Variants in SOX6 observed in about 807,000 individuals in gnomAD.
SOX6 encodes the protein SRY-box transcription factor 6.
In SOX6, 11 loss-of-function variants were observed where a neutral mutation model predicts 97.8. The observed-to-expected ratio is 0.11, with a 90% CI of 0.07 to 0.19. The LOEUF is 0.19. SOX6 is among the 10% of genes least tolerant of loss of function. The pLI, the probability that SOX6 is intolerant of heterozygous loss-of-function variation, is 1.00. For synonymous variants in SOX6, 360 were observed against 371.4 expected, an observed-to-expected ratio of 0.97 and a Z score of 0.35; for missense variants, 810 against 1,039.5, an observed-to-expected ratio of 0.78 and a Z score of 3.04.
intron 3 of SOX6, among the ~76,000 whole-genome samples, chr11:16,708,628 A>C (rs930568495): frequency 6.6e-6 from 1 of 152,200 alleles, no homozygotes; most frequent in African/African-American, 2.4e-5. Context: ...AATTCCCTTT[A>C]TAATTAAGAA....
intron 13 of SOX6, among the ~76,000 whole-genome samples, chr11:15,993,555 G>C (rs1453450520): frequency 5.9e-5 from 9 of 152,118 alleles, no homozygotes; most frequent in Admixed American, 3.9e-4. Context: ...AATGACAGTT[G>C]CTGAAAGGCC....
chr11:16,412,076 G>GAA (rs1858831724), intron 1 of SOX6, among the ~76,000 whole-genome samples: 1 of 151,880 alleles, frequency 6.6e-6, no homozygotes, highest in African/African-American at 2.4e-5. Flanking sequence ...TATGAAAAAG[G>GAA]AAAACTACAC....
At chr11:16,462,628 C>G (rs1327377624) in intron 1 of SOX6, among the ~76,000 whole-genome samples, 5 of 152,136 alleles carry the variant, frequency 3.3e-5, no homozygotes, top group Non-Finnish European at 5.9e-5. Context: ...TTATTAATAA[C>G]AATGAAAAAA....
At chr11:16,724,245 C>G (rs1429387490) in intron 2 of SOX6, among the ~76,000 whole-genome samples, 1 of 152,170 alleles carries the variant, frequency 6.6e-6, no homozygotes, top group Non-Finnish European at 1.5e-5. Context: ...TGAATTAACT[C>G]TGTGTAGCAG....
rs1853336809 is a variant in SOX6, at chr11:15,972,174, G to T, written c.*635C>A. The T allele has an allele frequency of 6.6e-6, 1 of 152,668 alleles. No individual in the cohort carries two copies. Among genetic ancestry groups the T allele is most frequent in the African/African-American group, 2.4e-5 (1 of 41,448 alleles). The allele number at this position is 152,668 out of a possible 1,614,324, so 9.5% of individuals were successfully genotyped here. On this transcript the variant is annotated 3_prime_UTR_variant, in exon 16 of 16. Coordinates refer to ENST00000683767, the MANE Select transcript of SOX6 (RefSeq NM_001367873.1). ...TGCTATTTTATTTTAAGATGCCAAA[G>T]ATTGTCTAAGACTTTGCAGTGTCTC...
upstream of SOX6, among the ~76,000 whole-genome samples, chr11:16,358,211 C>A (rs139970745): frequency 1.3e-5 from 2 of 152,284 alleles, no homozygotes; most frequent in African/African-American, 4.8e-5. Flanking sequence ...CAAATAAATT[C>A]AGTCCTGATA....
chr11:16,502,531 A>G (rs1860724441), intron 4 of SOX6, among the ~76,000 whole-genome samples: 1 of 152,202 alleles, frequency 6.6e-6, no homozygotes, highest in Non-Finnish European at 1.5e-5. Flanking sequence ...ATATCATTAA[A>G]AAAATTCTGT....
At chr11:16,097,078 A>G (rs1848815907) in intron 8 of SOX6, among the ~76,000 whole-genome samples, 1 of 151,856 alleles carries the variant, frequency 6.6e-6, no homozygotes, top group Non-Finnish European at 1.5e-5. Flanking sequence ...AGAAACACCA[A>G]TGCAAAATTT....
chr11:16,057,600 T>C (rs1847851061), intron 9 of SOX6, among the ~76,000 whole-genome samples: 2 of 152,188 alleles, frequency 1.3e-5, no homozygotes, highest in African/African-American at 2.4e-5. Flanking sequence ...CACTTGTAAT[T>C]CCTTTTGCCT....
intron 3 of SOX6, among the ~76,000 whole-genome samples, chr11:16,284,839 G>A (rs151277338): frequency 1.3e-5 from 2 of 152,192 alleles, no homozygotes; most frequent in East Asian, 3.9e-4. Context: ...TGTCCCATGT[G>A]CCTACCACTG....
rs543234617 is a variant in SOX6 at position 16,129,759 on chromosome 11, TA to T, written c.778-17837del. 5.0e-4 allele frequency among the ~76,000 whole-genome samples: 76 copies of T among 152,190 alleles called. No homozygotes were observed. In the South Asian group the frequency reaches 7.5e-3, roughly 15 times the overall value. ...AAAAATTTAACACTTATTCATGATT[TA>T]AAAAAATAACTTTCAGCAAATTTAA... On this transcript the variant is annotated intron_variant, in intron 6 of 15. Coordinates refer to ENST00000683767, the MANE Select transcript of SOX6 (RefSeq NM_001367873.1).
At chr11:16,086,121 A>G (rs1564946641) in intron 9 of SOX6, among the ~76,000 whole-genome samples, 1 of 152,202 alleles carries the variant, frequency 6.6e-6, no homozygotes, top group Non-Finnish European at 1.5e-5. Context: ...TGCTGAAACA[A>G]TATGTTTCTA....
intron 4 of SOX6, among the ~76,000 whole-genome samples, chr11:16,193,812 A>G (rs1419361926): frequency 6.6e-6 from 1 of 152,222 alleles, no homozygotes; most frequent in African/African-American, 2.4e-5. Context: ...TTTAATGGAT[A>G]TCGTTTTAGA....
At chr11:16,298,552 C>A (rs1855164151) in intron 3 of SOX6, among the ~76,000 whole-genome samples, 1 of 151,834 alleles carries the variant, frequency 6.6e-6, no homozygotes, top group Non-Finnish European at 1.5e-5. Context: ...AAAAAGAAAG[C>A]AACTATCTGG....
chr11:16,128,179 A>G (rs1377208804), intron 6 of SOX6, among the ~76,000 whole-genome samples: 2 of 152,206 alleles, frequency 1.3e-5, no homozygotes, highest in Non-Finnish European at 2.9e-5. Context: ...TAGCATTTCA[A>G]CATATGTTCA....
At chr11:16,424,249 T>C (rs1245204271) in intron 1 of SOX6, among the ~76,000 whole-genome samples, 1 of 152,216 alleles carries the variant, frequency 6.6e-6, no homozygotes, top group Non-Finnish European at 1.5e-5. Context: ...GGAAAACTAT[T>C]TTAAGAAGAA....
chr11:16,693,553 A>G (rs547077091), intron 3 of SOX6, among the ~76,000 whole-genome samples: 1 of 152,258 alleles, frequency 6.6e-6, no homozygotes, highest in African/African-American at 2.4e-5. Flanking sequence ...TTTAATATAT[A>G]GAAGCTTTAA....
At chr11:16,705,730 GT>G (rs1848127389) in intron 3 of SOX6, among the ~76,000 whole-genome samples, 2 of 152,064 alleles carry the variant, frequency 1.3e-5, no homozygotes, top group South Asian at 4.1e-4. Context: ...TAGAAGCAAA[GT>G]TTTGTATTCT....
intron 10 of SOX6, among the ~76,000 whole-genome samples, chr11:16,054,147 G>A (rs1377181396): frequency 6.6e-6 from 1 of 152,052 alleles, no homozygotes; most frequent in Non-Finnish European, 1.5e-5. Flanking sequence ...TTTAACCAAG[G>A]AACATTTTAC....
Sources: gnomAD v4.1 joint callset for allele counts (sites outside exome capture counted in the v4.1 genomes callset) on GRCh38, gnomAD v4.1.1 for gene constraint, MANE v1.5 for transcripts, NCBI Gene and HGNC (gene_info 2026-07-23, HGNC 2026-07-21) for gene names.